SLC2A14: variants seen among roughly 807,000 people sequenced by gnomAD.
SLC2A14 encodes the protein solute carrier family 2 member 14.
Under a neutral mutation model 43.0 loss-of-function variants are expected in SLC2A14, and 13 were observed. The observed-to-expected ratio is 0.30, with a 90% confidence interval of 0.20 to 0.48. The LOEUF (loss-of-function observed/expected upper bound fraction) is 0.48. Ranked by LOEUF, SLC2A14 falls within the 20% of genes least tolerant of loss-of-function variation. The pLI, the probability that SLC2A14 is intolerant of heterozygous loss-of-function variation, is 0.99. For synonymous variants in SLC2A14, 190 were observed against 233.8 expected (o/e 0.81, Z 1.71); for missense variants, 428 against 620.4 (o/e 0.69, Z 3.29).
chr12:7,891,138 AG>A (rs1372239397), exon 1 of SLC2A14: 26 of 1,531,480 alleles, frequency 1.7e-5, no homozygotes, highest in Middle Eastern at 1.7e-4. Context: ...TGTGAACAAA[AG>A]TCAGGTTGTG....
At chr12:7,871,018 C>A in intron 1 of SLC2A14, 1 of 1,434,772 alleles carries the variant, frequency 7.0e-7, no homozygotes, top group Non-Finnish European at 9.4e-7. Context: ...AGGGGGACAG[C>A]ACGACAAGCT....
At chr12:7,886,480 G>A (rs1367080380) in intron 1 of SLC2A14, among the ~76,000 whole-genome samples, 2 of 151,830 alleles carry the variant, frequency 1.3e-5, no homozygotes, top group Non-Finnish European at 2.9e-5. Flanking sequence ...ATTGCTGGGA[G>A]TGCGTGAAGT....
At chr12:7,885,990 C>T (rs1945681313) in intron 1 of SLC2A14, among the ~76,000 whole-genome samples, 1 of 144,002 alleles carries the variant, frequency 6.9e-6, no homozygotes, top group South Asian at 2.2e-4. Flanking sequence ...TTCTTTCCTT[C>T]TTTTTTTTTT....
At chr12:7,836,163 T>A (rs1865433568) in intron 2 of SLC2A14, among the ~76,000 whole-genome samples, 1 of 152,102 alleles carries the variant, frequency 6.6e-6, no homozygotes, top group African/African-American at 2.4e-5. Context: ...CTTCAATGAT[T>A]ATTGAATAAA....
chr12:7,851,141 A>G (rs900100715), intron 2 of SLC2A14, among the ~76,000 whole-genome samples: 1 of 152,198 alleles, frequency 6.6e-6, no homozygotes, highest in African/African-American at 2.4e-5. Flanking sequence ...AAGTATCAGC[A>G]CAGACTGTGG....
chr12:7,846,996 T>C (rs1306154077), intron 2 of SLC2A14, among the ~76,000 whole-genome samples: 2 of 149,876 alleles, frequency 1.3e-5, no homozygotes, highest in South Asian at 2.2e-4. Flanking sequence ...GCCACACCTG[T>C]AATCCCAGCA....
At chr12:7,862,822 G>C (rs771849511) in intron 2 of SLC2A14, among the ~76,000 whole-genome samples, 5 of 152,096 alleles carry the variant, frequency 3.3e-5, no homozygotes, top group Non-Finnish European at 7.4e-5. Flanking sequence ...CTCTGGTGGG[G>C]CCTTGGAGAA....
chr12:7,872,253 C>G (rs897224641), intron 1 of SLC2A14: 1 of 152,136 alleles, frequency 6.6e-6, no homozygotes, highest in Non-Finnish European at 1.5e-5. Context: ...AGCTGATGCA[C>G]CCGCACAGCA....
At position 7,829,925 on chromosome 12, in the gene SLC2A14, A is replaced by T; in HGVS notation, c.354T>A (p.Val118=). The change falls in exon 5 of 11, where the codon GTT becomes GTA. Residue 118 remains valine, a synonymous_variant. Coordinates refer to ENST00000431042, the MANE Select transcript of SLC2A14 (RefSeq NM_001286234.2). ...LMGLCKIAES[V]EMLILGRLVI... is the part of the protein sequence containing the mutation. The stretch of plus-strand genomic sequence containing the variant: ...CCAAGCGGCCCAGGATCAGCATTTC[A>T]ACTGACTCAGCTATTTTACACAGTC... The T allele has an allele frequency of 6.2e-7, 1 of 1,614,168 alleles. No individual in the cohort carries two copies. Among genetic ancestry groups the T allele is most frequent in the South Asian group, 1.1e-5 (1 of 91,078 alleles).
intron 7 of SLC2A14, among the ~76,000 whole-genome samples, chr12:7,826,853 C>CCTTCCTTCCTTCCTTCCTTCCTTCCTT (rs139542085): frequency 2.9e-5 from 1 of 34,428 alleles, no homozygotes; most frequent in Non-Finnish European, 6.1e-5. Context: ...TTCCTTCCTT[C>CCTTCCTTCCTTCCTTCCTTCCTTCCTT]CTTTCTTTTT....
chr12:7,846,436 C>A (rs922923881), intron 2 of SLC2A14, among the ~76,000 whole-genome samples: 1 of 151,028 alleles, frequency 6.6e-6, no homozygotes, highest in African/African-American at 2.4e-5. Context: ...CTTATTAAAT[C>A]TCTTATCTAA....
At chr12:7,866,090 G>A (rs1293078553) in intron 2 of SLC2A14, among the ~76,000 whole-genome samples, 1 of 151,698 alleles carries the variant, frequency 6.6e-6, no homozygotes, top group South Asian at 2.1e-4. Context: ...GGTGGCGTGC[G>A]CTTGTACCCA....
chr12:7,862,241 G>A (rs184517264), intron 2 of SLC2A14, among the ~76,000 whole-genome samples: 1 of 135,844 alleles, frequency 7.4e-6, no homozygotes, highest in Non-Finnish European at 1.5e-5. Context: ...TCCAGCCTGG[G>A]CTACAGAGCC....
intron 7 of SLC2A14, among the ~76,000 whole-genome samples, chr12:7,826,185 C>T (rs1388033727): frequency 6.6e-6 from 1 of 151,224 alleles, no homozygotes; most frequent in Non-Finnish European, 1.5e-5. Context: ...ATCAAAATCA[C>T]CTAGGAGGCT....
intron 1 of SLC2A14, chr12:7,890,984 A>G: frequency 6.5e-7 from 1 of 1,533,696 alleles, no homozygotes; most frequent in Non-Finnish European, 8.7e-7. Context: ...TGATCTATCT[A>G]GTTCCACTTA....
chr12:7,881,362 C>A (rs1257643860), intron 1 of SLC2A14, among the ~76,000 whole-genome samples: 1 of 151,852 alleles, frequency 6.6e-6, no homozygotes, highest in African/African-American at 2.4e-5. Flanking sequence ...CGGCGGGCCC[C>A]GCACTCGGAG....
chr12:7,886,341 A>AATTTATTT (rs71038799), intron 1 of SLC2A14, among the ~76,000 whole-genome samples: 9 of 140,830 alleles, frequency 6.4e-5, no homozygotes, highest in South Asian at 2.3e-4. Context: ...AAATTTTTAA[A>AATTTATTT]ATTTATTTAT....
rs747844973 is a variant in SLC2A14, at chr12:7,865,736, T to C, written c.18+4127A>G. Reference sequence around the variant, plus strand: ...CCTAAATGGCATCTAAGAATTCAAGTGAAAGAGTCAAACATATCTCACTTT... The same window carrying C: ...CCTAAATGGCATCTAAGAATTCAAGCGAAAGAGTCAAACATATCTCACTTT... On this transcript the variant is annotated intron_variant, in intron 2 of 10. Coordinates refer to ENST00000431042, the MANE Select transcript of SLC2A14 (RefSeq NM_001286234.2). Among the ~76,000 whole-genome samples the C allele has an allele frequency of 3.3e-5, 5 of 152,078 alleles. No individual in the cohort carries two copies. In the East Asian group the frequency reaches 9.7e-4, roughly 29 times the overall value.
At chr12:7,854,394 C>T (rs1230521025) in intron 2 of SLC2A14, among the ~76,000 whole-genome samples, 2 of 152,286 alleles carry the variant, frequency 1.3e-5, no homozygotes, top group African/African-American at 4.8e-5. Flanking sequence ...GTCTGCTACA[C>T]CATACTTGTC....
Sources: allele counts gnomAD v4.1 joint callset (sites outside exome capture counted in the v4.1 genomes callset), GRCh38; gene constraint gnomAD v4.1.1; transcripts MANE v1.5; gene names NCBI Gene and HGNC (gene_info 2026-07-23, HGNC 2026-07-21).